BTBD10: variants seen among roughly 807,000 people sequenced by gnomAD.
The protein encoded by BTBD10 is BTB domain containing 10, also known as BTB/POZ domain-containing protein 10.
Under a neutral mutation model 53.2 loss-of-function variants are expected in BTBD10, and 21 were observed. The ratio of observed to expected loss-of-function variants is 0.39; its 90% CI spans 0.28 to 0.57. The LOEUF (loss-of-function observed/expected upper bound fraction) is 0.57, where lower values mean the gene tolerates loss of function less well. BTBD10 is among the 20% of genes least tolerant of loss of function. The pLI is 0.53. For missense variants in BTBD10, 360 were observed against 594.7 expected (o/e 0.61, Z 4.10); for synonymous variants, 149 against 192.7 (o/e 0.77, Z 1.88).
intron 2 of BTBD10, among the ~76,000 whole-genome samples, chr11:13,424,268 G>A (rs1432137979): frequency 1.3e-5 from 2 of 152,156 alleles, no homozygotes; most frequent in Non-Finnish European, 2.9e-5. Context: ...TTCAGTTTGA[G>A]TAAGGGCCAA....
At chr11:13,394,842 C>T (rs1446466711) in intron 8 of BTBD10, among the ~76,000 whole-genome samples, 2 of 151,888 alleles carry the variant, frequency 1.3e-5, no homozygotes, top group African/African-American at 2.4e-5. Context: ...GGTTTCCAGC[C>T]TCATCCGTGT....
intron 6 of BTBD10, among the ~76,000 whole-genome samples, chr11:13,410,652 CAATT>C (rs1341184407): frequency 6.6e-6 from 1 of 152,084 alleles, no homozygotes; most frequent in Non-Finnish European, 1.5e-5. Flanking sequence ...ATAACATAGT[CAATT>C]AACTGTGAGG....
intron 1 of BTBD10, among the ~76,000 whole-genome samples, chr11:13,457,177 A>C (rs984630954): frequency 7.2e-5 from 11 of 152,120 alleles, no homozygotes; most frequent in Non-Finnish European, 1.5e-4. Flanking sequence ...AAATTAAATA[A>C]ATAAATAAAT....
At chr11:13,442,126 T>C (rs1427748341) in intron 2 of BTBD10, among the ~76,000 whole-genome samples, 1 of 152,130 alleles carries the variant, frequency 6.6e-6, no homozygotes, top group Non-Finnish European at 1.5e-5. Flanking sequence ...CCATTGCCTA[T>C]CTCTGGATTT....
chr11:13,425,117 G>A (rs747915268), intron 2 of BTBD10, among the ~76,000 whole-genome samples: 7 of 152,162 alleles, frequency 4.6e-5, no homozygotes, highest in Non-Finnish European at 1.0e-4. Context: ...AAAAAAAACA[G>A]CTCAAAGGAT....
At chr11:13,422,445 C>T (rs1026163736) in intron 2 of BTBD10, among the ~76,000 whole-genome samples, 3 of 152,020 alleles carry the variant, frequency 2.0e-5, no homozygotes, top group Non-Finnish European at 2.9e-5. Context: ...GTCAGGAGTT[C>T]GAGACCAGCC....
At chr11:13,404,615 C>A (rs1303359343) in intron 7 of BTBD10, 1 of 984,180 alleles carries the variant, frequency 1.0e-6, no homozygotes, top group Non-Finnish European at 1.2e-6. Flanking sequence ...ACTTTTTATT[C>A]CACATATTAT....
intron 8 of BTBD10, among the ~76,000 whole-genome samples, chr11:13,396,136 G>A (rs201301673): frequency 0.16 from 23,900 of 151,954 alleles, 2,039 homozygotes; most frequent in Admixed American, 0.24. Flanking sequence ...GAGCAGTATG[G>A]CCATTTTCAC....
chr11:13,461,584 C>G lies in BTBD10; in HGVS notation c.-58+1508G>C, dbSNP rs749342694. On this transcript the variant is annotated intron_variant, in intron 1 of 8. Coordinates refer to ENST00000278174, the MANE Select transcript of BTBD10 (RefSeq NM_032320.7). ...AAGCAGACCACAGTGGTTTGCAACT[C>G]CATAGTTAATAATTTAAAAAATTCA... Among the ~76,000 whole-genome samples, 45 of 151,882 alleles carry G rather than the reference C, an allele frequency of 3.0e-4. 1 individual carries two copies. The highest frequency in any genetic ancestry group is 3.9e-4 in the Admixed American group (6 of 15,238).
rs546350112 is a variant in BTBD10, at chr11:13,461,221, T to C, written c.-58+1871A>G. The stretch of plus-strand genomic sequence containing the variant: ...TAAACTGGAGAGGAGAATACAACTA[T>C]GGACAGGTTTGGATTTGATTCAGTC... On this transcript the variant is annotated intron_variant, in intron 1 of 8. Coordinates refer to ENST00000278174, the MANE Select transcript of BTBD10 (RefSeq NM_032320.7). 2.6e-5 allele frequency among the ~76,000 whole-genome samples: 4 copies of C among 152,338 alleles called. No homozygotes were observed. In the East Asian group the frequency reaches 7.7e-4, roughly 29 times the overall value.
chr11:13,443,452 T>G (rs1343276163), intron 2 of BTBD10, among the ~76,000 whole-genome samples: 1 of 152,044 alleles, frequency 6.6e-6, no homozygotes, highest in African/African-American at 2.4e-5. Flanking sequence ...CATTATATAG[T>G]GCAGTATTAT....
chr11:13,390,330 G>A (rs752455983), intron 8 of BTBD10, among the ~76,000 whole-genome samples: 3 of 152,004 alleles, frequency 2.0e-5, no homozygotes, highest in Non-Finnish European at 4.4e-5. Flanking sequence ...ATACGTAAAT[G>A]AATGAGCACG....
At chr11:13,448,393 T>C (rs201140454) in intron 1 of BTBD10, among the ~76,000 whole-genome samples, 1 of 152,164 alleles carries the variant, frequency 6.6e-6, no homozygotes, top group East Asian at 1.9e-4. Context: ...GACCAAACCC[T>C]TGCAAATATC....
At chr11:13,455,303 T>C (rs1190398820) in intron 1 of BTBD10, among the ~76,000 whole-genome samples, 1 of 152,220 alleles carries the variant, frequency 6.6e-6, no homozygotes, top group Admixed American at 6.5e-5. Context: ...CCAGAGGTGA[T>C]TTGGATATAA....
At chr11:13,427,218 AAAT>A (rs148046559) in intron 2 of BTBD10, among the ~76,000 whole-genome samples, 6,203 of 151,514 alleles carry the variant, frequency 0.041, 434 homozygotes, top group African/African-American at 0.14. Flanking sequence ...CCCTGTCTTA[AAAT>A]AATAATAATA....
chr11:13,413,551 T>C lies in BTBD10; in HGVS notation c.787A>G (p.Thr263Ala), dbSNP rs1950014455. The change falls in exon 6 of 9, where the codon ACT becomes GCT. Residue 263 changes from threonine to alanine, a missense_variant. By Grantham distance (58) the Thr-to-Ala change is moderately conservative. Transcript: ENST00000278174. ...DYLCISFEYSTIKCRDLSALM... is the reference protein window; with the variant it reads ...DYLCISFEYSAIKCRDLSALM... ...TTACTGAGATCTCTACATTTAATAG[T>C]GCTATATTCAAAAGAGATACAAAGA... 1 of 1,609,238 alleles carries C rather than the reference T, an allele frequency of 6.2e-7. No homozygotes were observed. Among genetic ancestry groups the C allele is most frequent in the East Asian group, 2.2e-5 (1 of 44,668 alleles).
intron 6 of BTBD10, among the ~76,000 whole-genome samples, chr11:13,409,773 T>G (rs769909727): frequency 6.6e-6 from 1 of 152,232 alleles, no homozygotes; most frequent in Non-Finnish European, 1.5e-5. Flanking sequence ...ACAGCTTTTA[T>G]TACTTGTTAA....
chr11:13,414,473 G>A (rs1950044647), intron 5 of BTBD10, among the ~76,000 whole-genome samples: 1 of 152,090 alleles, frequency 6.6e-6, no homozygotes, highest in Non-Finnish European at 1.5e-5. Context: ...GGCTAACACG[G>A]TGAAACCTTC....
chr11:13,394,758 T>C (rs559555914), intron 8 of BTBD10, among the ~76,000 whole-genome samples: 4 of 149,932 alleles, frequency 2.7e-5, no homozygotes, highest in East Asian at 2.0e-4. Context: ...TGTGTTCTCA[T>C]TGTTCAATTC....
Sources: allele counts gnomAD v4.1 joint callset (sites outside exome capture counted in the v4.1 genomes callset), GRCh38; gene constraint gnomAD v4.1.1; transcripts MANE v1.5; gene names NCBI Gene and HGNC (gene_info 2026-07-23, HGNC 2026-07-21).